Variants in ESPN observed in about 807,000 individuals in gnomAD.
ESPN encodes the protein autosomal recessive deafness type 36 protein.
A neutral mutation model predicts 77.7 loss-of-function variants in ESPN; 68 were observed. The ratio of observed to expected loss-of-function variants is 0.87; its 90% CI spans 0.72 to 1.07. The LOEUF (loss-of-function observed/expected upper bound fraction) is 1.07. ESPN is among the 50% of genes least tolerant of loss of function. The pLI is 0.00. For missense variants in ESPN, 1,060 were observed against 1,239.0 expected (o/e 0.86, Z 2.17); for synonymous variants, 449 against 567.1 (o/e 0.79, Z 2.96).
At chr1:6,454,359 G>T in intron 10 of ESPN, 1 of 398,668 alleles carries the variant, frequency 2.5e-6, no homozygotes, top group Non-Finnish European at 4.4e-6. Flanking sequence ...CATGCAAAAG[G>T]CTCCCGGCGC....
chr1:6,451,619 C>T lies in ESPN; in HGVS notation c.1932C>T (p.Asn644=). Residue 644 remains asparagine (N), a synonymous_variant, in exon 9 of 13, where the codon AAC becomes AAT. Transcript: ENST00000645284. This position sits in a 1 kb window ranked among gnomAD's most constrained non-coding sequence, Gnocchi z 4.3. The stretch of plus-strand genomic sequence containing the variant: ...TCCGCATAGGCACCAAGTCTTTCAA[C>T]ATGATGTCCCCGACGGGCGACAACT... ...SSSTGSTKSF[N]MMSPTGDNSE... 5.0e-6 allele frequency: 8 copies of T among 1,613,088 alleles called. No homozygotes were observed. The highest frequency in any genetic ancestry group is 6.8e-6 in the Non-Finnish European group (8 of 1,179,888).
intron 2 of ESPN, among the ~76,000 whole-genome samples, chr1:6,433,333 A>C (rs1248896553): frequency 6.6e-6 from 1 of 151,746 alleles, no homozygotes; most frequent in African/African-American, 2.4e-5. Context: ...AATCCCAGCT[A>C]CTTAGGAGGC....
intron 7 of ESPN, among the ~76,000 whole-genome samples, chr1:6,446,683 A>T (rs558115481): frequency 1.1e-3 from 162 of 152,172 alleles, no homozygotes; most frequent in African/African-American, 3.5e-3. Context: ...TGCCCTGGGG[A>T]ACACTGGCGT....
At chr1:6,430,057 C>T (rs187823305) in intron 2 of ESPN, among the ~76,000 whole-genome samples, 1 of 152,198 alleles carries the variant, frequency 6.6e-6, no homozygotes, top group Non-Finnish European at 1.5e-5. Flanking sequence ...GGGGTACCCA[C>T]TTAACCTCCT....
Position 6,444,673 on chromosome 1 carries a change from C to T in ESPN, c.1183C>T (p.Pro395Ser). 1 of 1,614,152 alleles carries T rather than the reference C, an allele frequency of 6.2e-7. No individual in the cohort carries two copies. ...SSHSSIKGQHPPCGLSSARAA... is the reference protein window; with the variant it reads ...SSHSSIKGQHSPCGLSSARAA... ...CCACTCCAGCATCAAGGGCCAGCAC[C>T]CTCCATGTGGTGAGTGTGCCCAGGA... The change falls in exon 6 of 13, where the codon CCT becomes TCT. Residue 395 changes from proline (P) to serine (S), a missense_variant. Around this residue, in one of 3 missense-constraint regions of ESPN, gnomAD observed 556 missense variants for 633.6 expected, o/e 0.88. Coordinates refer to ENST00000645284, the MANE Select transcript of ESPN (RefSeq NM_031475.3).
chr1:6,424,808 G>A lies in ESPN; in HGVS notation c.-148G>A, dbSNP rs1368370254. ...GGCGGAGCGGAGCGCCAGGCAGCGC[G>A]GAGCGGAGGCCAGGCCCACAGCCGC... is the stretch of plus-strand genomic sequence containing the variant. On this transcript the variant is annotated 5_prime_UTR_variant, in exon 1 of 13. Coordinates refer to ENST00000645284, the MANE Select transcript of ESPN (RefSeq NM_031475.3). 1.3e-6 allele frequency: 1 copy of A among 798,892 alleles called. No homozygotes were observed. The highest frequency in any genetic ancestry group is 1.7e-6 in the Non-Finnish European group (1 of 597,306). The allele number at this position is 798,892 out of a possible 1,614,324, so 49.5% of individuals were successfully genotyped here.
intron 7 of ESPN, 164 bp from the exon 8 acceptor site, chr1:6,448,477 G>C (rs1643888929): frequency 5.2e-6 from 3 of 577,100 alleles, no homozygotes; most frequent in Admixed American, 7.6e-5. Context: ...CATGACCCTC[G>C]CCCGCTGCCC....
Position 6,427,892 on chromosome 1 carries a change from C to T in ESPN, c.295-334C>T, listed in dbSNP as rs887936630. Among the ~76,000 whole-genome samples, 16 of 152,232 alleles carry T rather than the reference C, an allele frequency of 1.1e-4. No individual in the cohort carries two copies. The highest frequency in any genetic ancestry group is 3.9e-4 in the African/African-American group (16 of 41,462). ...GTCCCTGGGAGTCAGGGCTGTGGCC[C>T]TGGGCCTGGTGCCAGTCTCCTGCCG... On this transcript the variant is annotated intron_variant, in intron 1 of 12. Coordinates refer to ENST00000645284, the MANE Select transcript of ESPN (RefSeq NM_031475.3). This position sits in a 1 kb window ranked among gnomAD's most constrained non-coding sequence, Gnocchi z 4.6.
intron 2 of ESPN, among the ~76,000 whole-genome samples, chr1:6,432,624 C>A (rs1643291913): frequency 6.6e-6 from 1 of 152,214 alleles, no homozygotes; most frequent in Admixed American, 6.5e-5. Flanking sequence ...GCTCTGTAAG[C>A]AGCACACTGC....
At chr1:6,459,139 G>T (rs1404283503) in intron 12 of ESPN, among the ~76,000 whole-genome samples, 1 of 152,086 alleles carries the variant, frequency 6.6e-6, no homozygotes, top group Non-Finnish European at 1.5e-5. Context: ...TACTCAGAAG[G>T]CTGAGGCAGG....
intron 5 of ESPN, among the ~76,000 whole-genome samples, chr1:6,443,776 T>C (rs74626857): frequency 3.3e-5 from 5 of 152,106 alleles, no homozygotes; most frequent in Admixed American, 6.5e-5. Flanking sequence ...GGAGGGGGCA[T>C]GGGGCAAGGA....
intron 7 of ESPN, 146 bp from the exon 8 acceptor site, chr1:6,448,495 G>A: frequency 1.6e-6 from 1 of 638,496 alleles, no homozygotes; most frequent in Non-Finnish European, 2.5e-6. Context: ...CCCACTGTGA[G>A]AACCAGGGGG....
intron 2 of ESPN, among the ~76,000 whole-genome samples, chr1:6,436,752 C>T (rs1643453900): frequency 6.6e-6 from 1 of 152,274 alleles, no homozygotes; most frequent in South Asian, 2.1e-4. Context: ...GGCAGTCCTC[C>T]TGCTTTGGCC....
At chr1:6,456,019 CG>C (rs1644050791) in intron 10 of ESPN, 1 of 397,028 alleles carries the variant, frequency 2.5e-6, no homozygotes, top group Non-Finnish European at 4.4e-6. Flanking sequence ...CCGCCGCCGC[CG>C]CCCCCGCCCG....
At chr1:6,446,833 C>T (rs1643857287) in intron 7 of ESPN, 1 of 152,230 alleles carries the variant, frequency 6.6e-6, no homozygotes, top group Admixed American at 6.5e-5. Context: ...CAAGGCAAAG[C>T]CACCCCAGGG....
At position 6,441,069 on chromosome 1, in the gene ESPN, C is replaced by G; in HGVS notation, c.990+4C>G. 6.2e-7 allele frequency: 1 copy of G among 1,610,404 alleles called. No individual in the cohort carries two copies. The highest frequency in any genetic ancestry group is 8.5e-7 in the Non-Finnish European group (1 of 1,179,146). Reference sequence around the variant, plus strand: ...CCTGCGCACGGTGGAGAACCTGGTACGATCCCTGAGCTGCTCCTGTCGCAT... The same window carrying G: ...CCTGCGCACGGTGGAGAACCTGGTAGGATCCCTGAGCTGCTCCTGTCGCAT... On this transcript the variant is annotated splice_donor_region_variant and intron_variant, in intron 5 of 12. Transcript: ENST00000645284.
intron 10 of ESPN, 134 bp from the exon 11 acceptor site, chr1:6,457,050 T>C: frequency 1.1e-6 from 1 of 898,050 alleles, no homozygotes; most frequent in South Asian, 1.5e-5. Context: ...ACCAGGCACC[T>C]CCATCCACTT....
chr1:6,452,904 A>ATTT (rs141387813), intron 10 of ESPN, among the ~76,000 whole-genome samples: 7 of 150,978 alleles, frequency 4.6e-5, no homozygotes, highest in African/African-American at 1.7e-4. Flanking sequence ...TTTATTTTTT[A>ATTT]TTTTTTGAGA....
intron 2 of ESPN, among the ~76,000 whole-genome samples, chr1:6,432,491 C>T (rs1643286747): frequency 6.6e-6 from 1 of 152,204 alleles, no homozygotes; most frequent in Non-Finnish European, 1.5e-5. Flanking sequence ...CCGGAGCAGC[C>T]CCTCACAGCA....
Sources: allele counts gnomAD v4.1 joint callset (sites outside exome capture counted in the v4.1 genomes callset), GRCh38; gene constraint gnomAD v4.1.1; regional missense constraint gnomAD v4.1.1; non-coding constraint Gnocchi (gnomAD v3.1); transcripts MANE v1.5; gene names NCBI Gene and HGNC (gene_info 2026-07-23, HGNC 2026-07-21).